Variants in IQSEC1 observed in about 807,000 individuals in gnomAD.
The protein encoded by IQSEC1 is IQ motif and SEC7 domain-containing protein 1.
Under a neutral mutation model 91.0 loss-of-function variants are expected in IQSEC1, and 31 were observed. The ratio of observed to expected loss-of-function variants is 0.34; its 90% CI spans 0.26 to 0.46. IQSEC1 has a LOEUF of 0.46. Among genes scored for constraint, IQSEC1 ranks in the 20% least tolerant of loss-of-function variants. The pLI is 1.00. For synonymous variants in IQSEC1, 699 were observed against 662.6 expected (o/e 1.05, Z -0.84); for missense variants, 1,388 against 1,575.6 (o/e 0.88, Z 2.02).
At chr3:13,261,285 G>A (rs913328207) in intron 1 of IQSEC1, among the ~76,000 whole-genome samples, 11 of 152,270 alleles carry the variant, frequency 7.2e-5, no homozygotes, top group African/African-American at 1.7e-4. Flanking sequence ...CACAATGTCC[G>A]GTCGATGTGG....
At chr3:13,191,122 T>A (rs528962211) in intron 1 of IQSEC1, among the ~76,000 whole-genome samples, 2 of 152,332 alleles carry the variant, frequency 1.3e-5, no homozygotes, top group South Asian at 4.1e-4. Context: ...TGTTTTACAT[T>A]CAGCCGTGGA....
At chr3:13,275,384 G>GCT (rs1576319503) in intron 1 of IQSEC1, among the ~76,000 whole-genome samples, 1 of 152,208 alleles carries the variant, frequency 6.6e-6, no homozygotes, top group East Asian at 1.9e-4. Flanking sequence ...TTGTCCACCA[G>GCT]CTCCCTAAAA....
intron 1 of IQSEC1, among the ~76,000 whole-genome samples, chr3:12,944,002 G>A (rs1213968592): frequency 6.6e-6 from 1 of 152,204 alleles, no homozygotes; most frequent in Non-Finnish European, 1.5e-5. Context: ...TCTTCCTGAG[G>A]AAGAGCCTGA....
At chr3:13,106,222 C>T (rs932391063) in intron 2 of IQSEC1, among the ~76,000 whole-genome samples, 4 of 152,286 alleles carry the variant, frequency 2.6e-5, no homozygotes, top group African/African-American at 9.6e-5. Flanking sequence ...AACTAGACTT[C>T]TCCAGGAAGC....
Position 12,900,918 on chromosome 3 carries a change from C to T in IQSEC1, c.*65G>A. ...CCCGGGTTTGGTGTGCGGCTGGCGA[C>T]CCCCGGGCGTGCCCTGTGTGGTGTG... is the stretch of plus-strand genomic sequence containing the variant. On this transcript the variant is annotated 3_prime_UTR_variant, in exon 14 of 14. Transcript: ENST00000613206. 2.0e-6 allele frequency: 3 copies of T among 1,536,344 alleles called. No individual in the cohort carries two copies. The highest frequency in any genetic ancestry group is 1.2e-5 in the South Asian group (1 of 83,986).
chr3:13,165,310 G>A lies in IQSEC1; in HGVS notation c.273-1177C>T, dbSNP rs533037658. 9.3e-4 allele frequency among the ~76,000 whole-genome samples: 141 copies of A among 152,170 alleles called. No individual in the cohort carries two copies. In the Middle Eastern group the frequency reaches 0.01, roughly 11 times the overall value. ...AGTGGTGATGTGAGATGGGAATGGC[G>A]CACAGACACCTGTGGCATCTCCTTG... On this transcript the variant is annotated intron_variant, in intron 1 of 15. Transcript: ENST00000648114.
At chr3:13,077,338 C>T (rs1705579132), upstream of IQSEC1, among the ~76,000 whole-genome samples, 1 of 152,188 alleles carries the variant, frequency 6.6e-6, no homozygotes, top group South Asian at 2.1e-4. Flanking sequence ...CTGTTAAATC[C>T]CCTCGCCAGC....
rs1342555427 is a variant in IQSEC1, at chr3:12,940,034, C to G, written c.318+1537G>C. On this transcript the variant is annotated intron_variant, in intron 2 of 13. Transcript: ENST00000613206. This position sits in a 1 kb window ranked among gnomAD's most constrained non-coding sequence, Gnocchi z 4.4. ...AATAGCTGCAGTCCTATTAGGCCCA[C>G]AGTAAGCATATAATTCTCTTCAAAG... Among the ~76,000 whole-genome samples the G allele has an allele frequency of 6.6e-6, 1 of 152,230 alleles. No individual in the cohort carries two copies. Among genetic ancestry groups the G allele is most frequent in the Non-Finnish European group, 1.5e-5 (1 of 68,042 alleles).
At chr3:13,015,002 T>G (rs752462749) in intron 1 of IQSEC1, among the ~76,000 whole-genome samples, 4 of 152,162 alleles carry the variant, frequency 2.6e-5, no homozygotes, top group Non-Finnish European at 5.9e-5. Context: ...GGAAGCCTTG[T>G]GTTCCCTCAG....
chr3:13,200,689 G>A lies in IQSEC1; in HGVS notation c.273-36556C>T, dbSNP rs371608831. 3.9e-5 allele frequency among the ~76,000 whole-genome samples: 6 copies of A among 152,328 alleles called. No homozygotes were observed. The East Asian group carries it at 7.7e-4, about 20-fold the overall frequency. On this transcript the variant is annotated intron_variant, in intron 1 of 15. Coordinates refer to the IQSEC1 transcript ENST00000648114. ...TGCTCTCCAGGCTGGGCTGCTTTCC[G>A]GAAGATGGCACAGCAGGGAGGGCGA...
At chr3:13,263,432 G>T (rs958669677) in intron 1 of IQSEC1, among the ~76,000 whole-genome samples, 8 of 133,550 alleles carry the variant, frequency 6.0e-5, no homozygotes, top group Non-Finnish European at 8.2e-5. Flanking sequence ...TTTTTTGGGG[G>T]GGGGGGGAAA....
chr3:13,124,892 G>A (rs527974924), intron 2 of IQSEC1, among the ~76,000 whole-genome samples: 7 of 152,228 alleles, frequency 4.6e-5, no homozygotes, highest in African/African-American at 1.4e-4. Flanking sequence ...GTAGGTCCCC[G>A]ATCCATATCC....
At chr3:13,167,556 G>C (rs996991245) in intron 1 of IQSEC1, among the ~76,000 whole-genome samples, 5 of 152,174 alleles carry the variant, frequency 3.3e-5, no homozygotes, top group African/African-American at 1.2e-4. Flanking sequence ...GCAAGGAAGG[G>C]GAGGTGCTGA....
chr3:13,038,716 G>A (rs1166570175), intron 1 of IQSEC1, among the ~76,000 whole-genome samples: 1 of 152,086 alleles, frequency 6.6e-6, no homozygotes, highest in African/African-American at 2.4e-5. Context: ...CTCAATGTCG[G>A]GGGAAAGAAT....
At chr3:13,249,285 C>T (rs1695156482) in intron 1 of IQSEC1, among the ~76,000 whole-genome samples, 1 of 150,626 alleles carries the variant, frequency 6.6e-6, no homozygotes, top group South Asian at 2.1e-4. Context: ...CATTCTCCTG[C>T]CTTAGCCTCC....
chr3:13,254,765 G>A (rs773200288), intron 1 of IQSEC1, among the ~76,000 whole-genome samples: 7 of 152,312 alleles, frequency 4.6e-5, no homozygotes, highest in East Asian at 1.9e-4. Context: ...GCCCTGCACC[G>A]GAGGGCTCTC....
chr3:12,992,180 G>T lies in IQSEC1; in HGVS notation c.24-50315C>A, dbSNP rs149726822. Among the ~76,000 whole-genome samples the T allele has an allele frequency of 6.6e-6, 1 of 152,136 alleles. No homozygotes were observed. Among genetic ancestry groups the T allele is most frequent in the African/African-American group, 2.4e-5 (1 of 41,440 alleles). ...AGGGCCCCTCGGCTCTGAATACGCTGTGTGACCTTGGACATGTCCCTGCCT... is the reference window on the plus strand; with the variant it reads ...AGGGCCCCTCGGCTCTGAATACGCTTTGTGACCTTGGACATGTCCCTGCCT... On this transcript the variant is annotated intron_variant, in intron 1 of 13. Coordinates refer to ENST00000613206, the MANE Select transcript of IQSEC1 (RefSeq NM_001134382.3). This position sits in a 1 kb window ranked among gnomAD's most constrained non-coding sequence, Gnocchi z 4.1.
Position 13,270,173 on chromosome 3 carries a change from G to C in IQSEC1, c.272+12538C>G, listed in dbSNP as rs9843257. 8.2e-3 allele frequency among the ~76,000 whole-genome samples: 1,246 copies of C among 152,264 alleles called. 14 individuals are homozygous for C. Among genetic ancestry groups the C allele is most frequent in the South Asian group, 0.034 (163 of 4,816 alleles). On this transcript the variant is annotated intron_variant, in intron 1 of 15. Coordinates refer to the IQSEC1 transcript ENST00000648114. ...CTGAGTATTCCATTAAAAACATAGG[G>C]AACAGAAGAACCACCCAGCCAAGCA... is the stretch of plus-strand genomic sequence containing the variant.
intron 1 of IQSEC1, among the ~76,000 whole-genome samples, chr3:13,253,296 G>C (rs1695230353): frequency 1.3e-5 from 2 of 152,204 alleles, no homozygotes; most frequent in African/African-American, 4.8e-5. Context: ...ACCATGAGTG[G>C]CAGAGCCGGG....
Sources: allele counts gnomAD v4.1 joint callset (sites outside exome capture counted in the v4.1 genomes callset), GRCh38; gene constraint gnomAD v4.1.1; non-coding constraint Gnocchi (gnomAD v3.1); transcripts MANE v1.5; gene names NCBI Gene and HGNC (gene_info 2026-07-23, HGNC 2026-07-21).